STAU1: variants seen among roughly 807,000 people sequenced by gnomAD.
STAU1 encodes the protein staufen double-stranded RNA binding protein 1, also known as double-stranded RNA-binding protein Staufen homolog 1.
Under a neutral mutation model 62.9 loss-of-function variants are expected in STAU1, and 13 were observed. The observed-to-expected ratio is 0.21, with a 90% CI of 0.13 to 0.33. The LOEUF is 0.33. Ranked by LOEUF, STAU1 falls within the 10% of genes least tolerant of loss-of-function variation. STAU1 has a pLI of 1.00. For missense variants in STAU1, 571 were observed against 712.1 expected, an observed-to-expected ratio of 0.80 and a Z score of 2.25; for synonymous variants, 269 against 265.1, an observed-to-expected ratio of 1.01 and a Z score of -0.14.
chr20:49,157,815 G>T (rs1240460413), intron 3 of STAU1, among the ~76,000 whole-genome samples: 1 of 151,938 alleles, frequency 6.6e-6, no homozygotes, highest in Non-Finnish European at 1.5e-5. Context: ...CGGAGGCAGG[G>T]TCTCCCTATG....
chr20:49,156,283 C>A (rs2093355344), intron 3 of STAU1, among the ~76,000 whole-genome samples: 1 of 152,170 alleles, frequency 6.6e-6, no homozygotes, highest in Non-Finnish European at 1.5e-5. Flanking sequence ...TATCTGGTCA[C>A]CCGCCATCCT....
At chr20:49,206,047 G>A in the STAU1 span, among the ~76,000 whole-genome samples, 1 of 136,102 alleles carries the variant, frequency 7.3e-6, no homozygotes, top group Middle Eastern at 5.0e-3. Context: ...GCAGTGGCAC[G>A]ATCTCGGCTC....
intron 6 of STAU1, among the ~76,000 whole-genome samples, chr20:49,133,416 C>A (rs547110325): frequency 2.6e-4 from 39 of 152,260 alleles, no homozygotes; most frequent in African/African-American, 8.9e-4. Context: ...ACCCCTCCCC[C>A]ACAACCTGCA....
At chr20:49,165,298 C>T (rs2093508371) in intron 3 of STAU1, among the ~76,000 whole-genome samples, 1 of 151,760 alleles carries the variant, frequency 6.6e-6, no homozygotes, top group Non-Finnish European at 1.5e-5. Context: ...CCGCCTTGGC[C>T]TCCCAAAGTG....
At chr20:49,160,436 T>C (rs1464963179) in intron 3 of STAU1, among the ~76,000 whole-genome samples, 1 of 152,230 alleles carries the variant, frequency 6.6e-6, no homozygotes, top group Non-Finnish European at 1.5e-5. Flanking sequence ...GTCAATTCCT[T>C]ATCTCTCATA....
chr20:49,134,249 T>C (rs1335711270), intron 6 of STAU1, among the ~76,000 whole-genome samples: 5 of 151,850 alleles, frequency 3.3e-5, no homozygotes, highest in Admixed American at 6.6e-5. Flanking sequence ...CTGACCAATA[T>C]GGAGAAACCC....
chr20:49,142,324 G>A (rs1211736172), intron 5 of STAU1, among the ~76,000 whole-genome samples: 2 of 152,006 alleles, frequency 1.3e-5, no homozygotes, highest in Non-Finnish European at 2.9e-5. Context: ...CTGACCTCAG[G>A]TGATCCACCC....
intron 3 of STAU1, 76 bp from the exon 4 acceptor site, chr20:49,154,147 A>G (rs2093316889): frequency 2.8e-6 from 4 of 1,429,968 alleles, no homozygotes. Context: ...ATGTAATAGC[A>G]TGCTTTCTGC....
upstream of STAU1, among the ~76,000 whole-genome samples, chr20:49,190,644 T>C (rs937485208): frequency 2.6e-5 from 4 of 152,138 alleles, no homozygotes; most frequent in African/African-American, 9.7e-5. Flanking sequence ...ATTTGTTTTC[T>C]TCTGTTTGTA....
the STAU1 span, among the ~76,000 whole-genome samples, chr20:49,216,886 T>G: frequency 6.6e-6 from 1 of 152,182 alleles, no homozygotes; most frequent in Non-Finnish European, 1.5e-5. Flanking sequence ...TCTTCATATC[T>G]GCCTACATCT....
chr20:49,201,194 T>A, the STAU1 span, among the ~76,000 whole-genome samples: 1 of 151,656 alleles, frequency 6.6e-6, no homozygotes, highest in Non-Finnish European at 1.5e-5. Context: ...ATGGTAGATA[T>A]ATGACCGAAT....
intron 6 of STAU1, among the ~76,000 whole-genome samples, chr20:49,133,438 T>TGA (rs2092797789): frequency 6.6e-6 from 1 of 152,102 alleles, no homozygotes; most frequent in Non-Finnish European, 1.5e-5. Flanking sequence ...AAATCCACTC[T>TGA]CATGACAGAC....
At chr20:49,156,871 C>T (rs2093366472) in intron 3 of STAU1, among the ~76,000 whole-genome samples, 2 of 108,282 alleles carry the variant, frequency 1.8e-5, no homozygotes, top group South Asian at 5.5e-4. Flanking sequence ...TGTGTGTATG[C>T]ACTGAAATTT....
chr20:49,136,918 G>C (rs1418353775), intron 5 of STAU1, among the ~76,000 whole-genome samples: 1 of 152,106 alleles, frequency 6.6e-6, no homozygotes, highest in African/African-American at 2.4e-5. Context: ...GGCTGGTCTC[G>C]AACTCCTGAC....
chr20:49,167,327 AAC>A (rs1600822705), intron 2 of STAU1, among the ~76,000 whole-genome samples: 5 of 152,354 alleles, frequency 3.3e-5, no homozygotes, highest in Admixed American at 1.3e-4. Context: ...ATTATAAAGA[AAC>A]AGTTACTTTA....
At chr20:49,203,304 A>T in the STAU1 span, among the ~76,000 whole-genome samples, 1 of 152,180 alleles carries the variant, frequency 6.6e-6, no homozygotes, top group Admixed American at 6.6e-5. Context: ...GCATGCCTTT[A>T]GTCCGAGCTA....
chr20:49,152,778 T>G (rs1173521575), intron 4 of STAU1, among the ~76,000 whole-genome samples: 2 of 152,214 alleles, frequency 1.3e-5, no homozygotes, highest in Admixed American at 1.3e-4. Flanking sequence ...AATCAGGTAA[T>G]CTACAAATGC....
the STAU1 span, among the ~76,000 whole-genome samples, chr20:49,195,365 G>A: frequency 2.7e-5 from 4 of 150,926 alleles, no homozygotes; most frequent in Non-Finnish European, 5.9e-5. Flanking sequence ...GTGAAACCCC[G>A]TCTCCACTAA....
the STAU1 span, among the ~76,000 whole-genome samples, chr20:49,200,104 T>C: frequency 6.6e-6 from 1 of 152,196 alleles, no homozygotes; most frequent in Non-Finnish European, 1.5e-5. Context: ...GATATACTTA[T>C]CATACAACCC....
Sources: allele counts gnomAD v4.1 joint callset (sites outside exome capture counted in the v4.1 genomes callset), GRCh38; gene constraint gnomAD v4.1.1; transcripts MANE v1.5; gene names NCBI Gene and HGNC (gene_info 2026-07-23, HGNC 2026-07-21).